The following MYO5A variants were observed in gnomAD, a reference collection of about 807,000 sequenced individuals.
The protein encoded by MYO5A is myosin VA, also known as unconventional myosin-Va.
In MYO5A, 98 loss-of-function variants were observed where a neutral mutation model predicts 249.7. That is an observed-to-expected ratio of 0.39 (90% confidence interval 0.33 to 0.46). The LOEUF is 0.46. Among genes scored for constraint, MYO5A ranks in the 20% least tolerant of loss-of-function variants. The pLI is 0.98. For missense variants in MYO5A, 1,696 were observed against 2,308.8 expected, an observed-to-expected ratio of 0.73 and a Z score of 5.44; for synonymous variants, 778 against 810.6, an observed-to-expected ratio of 0.96 and a Z score of 0.68.
At chr15:52,355,502 A>G (rs377435797) in intron 25 of MYO5A, among the ~76,000 whole-genome samples, 1 of 152,256 alleles carries the variant, frequency 6.6e-6, no homozygotes, top group Admixed American at 6.5e-5. Flanking sequence ...CATAAAGCCC[A>G]GCCTTGGCTC....
At chr15:52,480,437 G>C (rs2076691659) in intron 1 of MYO5A, among the ~76,000 whole-genome samples, 2 of 152,148 alleles carry the variant, frequency 1.3e-5, no homozygotes, top group African/African-American at 4.8e-5. Context: ...AGATGATCTG[G>C]TCCAAACACC....
chr15:52,338,235 T>TG (rs887542935), intron 32 of MYO5A, among the ~76,000 whole-genome samples: 5 of 151,436 alleles, frequency 3.3e-5, no homozygotes, highest in Non-Finnish European at 5.9e-5. Flanking sequence ...TTTTTTTTTT[T>TG]TTTTTTTGCC....
At position 52,390,959 on chromosome 15, in the gene MYO5A, T is replaced by C. The variant is rs2042206683; in HGVS notation, c.1542+971A>G. On this transcript the variant is annotated intron_variant, in intron 12 of 41. Transcript: ENST00000399233. ...CAACAGTAGTATTCTCTGCATTATT[T>C]ATGGCTACTAGGTTGTTACTGATTT... is the stretch of plus-strand genomic sequence containing the variant. Among the ~76,000 whole-genome samples, 4 of 152,206 alleles carry C rather than the reference T, an allele frequency of 2.6e-5. No homozygotes were observed. In the South Asian group the frequency reaches 8.3e-4, roughly 32 times the overall value.
intron 1 of MYO5A, among the ~76,000 whole-genome samples, chr15:52,458,028 C>G (rs779745471): frequency 1.3e-5 from 2 of 152,112 alleles, no homozygotes; most frequent in African/African-American, 2.4e-5. Context: ...CACACATTCT[C>G]ATTCATATGT....
intron 25 of MYO5A, among the ~76,000 whole-genome samples, chr15:52,357,530 T>C (rs1596337518): frequency 1.3e-5 from 2 of 151,820 alleles, no homozygotes; most frequent in South Asian, 2.1e-4. Context: ...AACTAGTTGA[T>C]TGCTGGACAA....
intron 22 of MYO5A, among the ~76,000 whole-genome samples, chr15:52,368,588 C>T (rs892399037): frequency 2.0e-5 from 3 of 152,108 alleles, no homozygotes; most frequent in African/African-American, 7.2e-5. Flanking sequence ...TTTCATTCTT[C>T]CCCTATCACT....
At chr15:52,391,217 T>C (rs759686124) in intron 12 of MYO5A, among the ~76,000 whole-genome samples, 7 of 152,164 alleles carry the variant, frequency 4.6e-5, no homozygotes, top group Non-Finnish European at 1.0e-4. Context: ...CAAATGAAAA[T>C]TATCGAGTTT....
At chr15:52,449,899 G>C (rs2141368391) in intron 1 of MYO5A, among the ~76,000 whole-genome samples, 1 of 152,254 alleles carries the variant, frequency 6.6e-6, no homozygotes, top group African/African-American at 2.4e-5. Context: ...TACTTAGAAA[G>C]CTGAGGTTGG....
In MYO5A at chr15:52,309,821, CTATGAAT is replaced by C. The variant is rs1280606624; in HGVS notation, c.*3868_*3874del. 1 of 151,810 alleles carries C rather than the reference CTATGAAT, an allele frequency of 6.6e-6. No individual in the cohort carries two copies. Among genetic ancestry groups the C allele is most frequent in the South Asian group, 2.1e-4 (1 of 4,776 alleles). 9.4% of individuals were successfully genotyped at this position (151,810 alleles called of 1,614,324 possible). On this transcript the variant is annotated 3_prime_UTR_variant, in exon 42 of 42. Transcript: ENST00000399233. ...CCTTGACTATGCCTGCTAAGGAACTCTATGAATTAGTGACGGGGGTGTGTGTGTGTGT... is the reference window on the plus strand; with the variant it reads ...CCTTGACTATGCCTGCTAAGGAACTCTAGTGACGGGGGTGTGTGTGTGTGT...
chr15:52,355,422 A>G (rs555015850), intron 25 of MYO5A, among the ~76,000 whole-genome samples: 8 of 152,300 alleles, frequency 5.3e-5, no homozygotes, highest in Admixed American at 1.3e-4. Flanking sequence ...TTTAGCCCTC[A>G]CTACTTTAAC....
chr15:52,491,918 AAAG>A (rs1222936819), intron 1 of MYO5A, among the ~76,000 whole-genome samples: 1 of 152,230 alleles, frequency 6.6e-6, no homozygotes, highest in Non-Finnish European at 1.5e-5. Context: ...GGAAAAAAGA[AAAG>A]AAAAAGAGAT....
rs1596274968 is a variant in MYO5A at position 52,319,362 on chromosome 15, G to C, written c.4952-20C>G. ...CTGAGACTGCAGGAGTATTTCAATT[G>C]TTAGAGGAGATGATGTGGAAGGGAA... On this transcript the variant is annotated intron_variant, in intron 38 of 41. Coordinates refer to ENST00000399233, the MANE Select transcript of MYO5A (RefSeq NM_001382347.1). 3 of 1,612,392 alleles carry C rather than the reference G, an allele frequency of 1.9e-6. No homozygotes were observed. The highest frequency in any genetic ancestry group is 1.7e-6 in the Non-Finnish European group (2 of 1,178,758).
intron 1 of MYO5A, among the ~76,000 whole-genome samples, chr15:52,506,166 G>C (rs573626550): frequency 6.6e-6 from 1 of 151,980 alleles, no homozygotes; most frequent in Non-Finnish European, 1.5e-5. Flanking sequence ...CTTGGCTAAC[G>C]CAGTGAAACC....
intron 1 of MYO5A, among the ~76,000 whole-genome samples, chr15:52,491,003 G>A (rs1020728696): frequency 6.6e-6 from 1 of 152,136 alleles, no homozygotes; most frequent in African/African-American, 2.4e-5. Flanking sequence ...TTATAGGTGT[G>A]AGCACCATGC....
chr15:52,468,820 C>T (rs1423266118), intron 1 of MYO5A, among the ~76,000 whole-genome samples: 1 of 152,116 alleles, frequency 6.6e-6, no homozygotes, highest in Non-Finnish European at 1.5e-5. Context: ...TTTGAGAGAG[C>T]AATTTGGTAA....
intron 11 of MYO5A, among the ~76,000 whole-genome samples, chr15:52,395,566 C>T (rs532247879): frequency 6.6e-5 from 10 of 152,296 alleles, no homozygotes; most frequent in African/African-American, 2.4e-4. Context: ...ACATTATGGA[C>T]CCTTTACATA....
Position 52,317,087 on chromosome 15 carries a change from T to G in MYO5A, c.5370A>C (p.Glu1790Asp), listed in dbSNP as rs1169040490. ...QVKKKTDDDA[E>D]AICSMCNALT... is the part of the protein sequence containing the mutation. Reference sequence around the variant, plus strand: ...AAGCATTGCACATAGAACAAATGGCTTCTGCATCATCATCTGTTTTCTTTT... The same window carrying G: ...AAGCATTGCACATAGAACAAATGGCGTCTGCATCATCATCTGTTTTCTTTT... The change falls in exon 40 of 42, where the codon GAA becomes GAC. Residue 1790 changes from glutamate (E) to aspartate (D), a missense_variant. Glu to Asp is a conservative substitution (Grantham distance 45). Coordinates refer to ENST00000399233, the MANE Select transcript of MYO5A (RefSeq NM_001382347.1). The G allele has an allele frequency of 6.2e-7, 1 of 1,614,084 alleles. No homozygotes were observed. The highest frequency in any genetic ancestry group is 1.3e-5 in the African/African-American group (1 of 74,942).
At chr15:52,517,693 A>G (rs1383019467) in intron 1 of MYO5A, among the ~76,000 whole-genome samples, 11 of 152,196 alleles carry the variant, frequency 7.2e-5, no homozygotes, top group Admixed American at 2.0e-4. Context: ...CCTGGGCAAC[A>G]AGAGCGAAAC....
At chr15:52,502,245 T>G (rs1351205597) in intron 1 of MYO5A, among the ~76,000 whole-genome samples, 1 of 152,114 alleles carries the variant, frequency 6.6e-6, no homozygotes, top group Non-Finnish European at 1.5e-5. Flanking sequence ...ATCGCGCCAC[T>G]GCACTCCAGC....
Sources: gnomAD v4.1 joint callset for allele counts (sites outside exome capture counted in the v4.1 genomes callset) on GRCh38, gnomAD v4.1.1 for gene constraint, MANE v1.5 for transcripts, NCBI Gene and HGNC (gene_info 2026-07-23, HGNC 2026-07-21) for gene names.